The following DOCK11 variants were observed in gnomAD, a reference collection of about 807,000 sequenced individuals.
DOCK11 encodes the protein dedicator of cytokinesis 11, also known as dedicator of cytokinesis protein 11.
A neutral mutation model predicts 169.1 loss-of-function variants in DOCK11; 70 were observed. The observed-to-expected ratio is 0.41, with a 90% CI of 0.34 to 0.51. DOCK11 has a LOEUF of 0.51. Ranked by LOEUF, DOCK11 falls within the 20% of genes least tolerant of loss-of-function variation. DOCK11 has a pLI of 0.10. For missense variants in DOCK11, 1,166 were observed against 1,538.8 expected (o/e 0.76, Z 4.05); for synonymous variants, 529 against 541.3 (o/e 0.98, Z 0.32).
chrX:118,631,049 T>C (rs552630344), intron 35 of DOCK11, among the ~76,000 whole-genome samples: 1 of 111,368 alleles, frequency 9.0e-6, no homozygotes, highest in Non-Finnish European at 1.9e-5. Flanking sequence ...TTACACTATA[T>C]GATGGAATAC....
rs762580829 is a variant in DOCK11 at position 118,578,599 on chromosome X, C to T, written c.1464C>T (p.Asn488=). The change falls in exon 13 of 53, where the codon AAC becomes AAT. Residue 488 remains asparagine, a synonymous_variant. Transcript: ENST00000276202. ...VARIEKVLQG[N]ITHCAEPYIK... is the part of the protein sequence containing the mutation. Reference sequence around the variant, plus strand: ...GAATTGAAAAGGTACTACAGGGAAACATTACACACTGTGCAGAACCCTATA... The same window carrying T: ...GAATTGAAAAGGTACTACAGGGAAATATTACACACTGTGCAGAACCCTATA... 4.1e-6 allele frequency: 5 copies of T among 1,205,328 alleles called. No individual in the cohort carries two copies. The highest frequency in any genetic ancestry group is 5.6e-6 in the Non-Finnish European group (5 of 891,537).
At chrX:118,678,456 TTTTTC>T (rs1443084695) in intron 48 of DOCK11, among the ~76,000 whole-genome samples, 1 of 111,721 alleles carries the variant, frequency 9.0e-6, no homozygotes, top group Non-Finnish European at 1.9e-5. Context: ...GATGTATATT[TTTTTC>T]TTTTCTTTTT....
At chrX:118,636,825 G>A (rs897233120) in intron 36 of DOCK11, among the ~76,000 whole-genome samples, 30 of 97,841 alleles carry the variant, frequency 3.1e-4, no homozygotes, top group Non-Finnish European at 4.0e-5. Context: ...GTGTATTTGT[G>A]TGTACACACA....
chrX:118,573,679 T>A (rs2013352262), intron 11 of DOCK11, 127 bp from the exon 12 acceptor site: 1 of 526,451 alleles, frequency 1.9e-6, no homozygotes, highest in Admixed American at 3.3e-5. Flanking sequence ...TAGCTAAGTG[T>A]TGAACTCAGA....
chrX:118,677,470 T>C (rs1163073324), intron 48 of DOCK11, among the ~76,000 whole-genome samples: 1 of 112,060 alleles, frequency 8.9e-6, no homozygotes, highest in Non-Finnish European at 1.9e-5. Context: ...AGCTGATTTT[T>C]AAGGGTAGGA....
At chrX:118,638,828 C>A (rs896369191) in intron 37 of DOCK11, among the ~76,000 whole-genome samples, 7 of 111,835 alleles carry the variant, frequency 6.3e-5, no homozygotes, top group Admixed American at 5.7e-4. Flanking sequence ...CCATTGTTAC[C>A]ATGAACCTCA....
chrX:118,606,849 C>T (rs1407524671), intron 24 of DOCK11, among the ~76,000 whole-genome samples: 4 of 110,826 alleles, frequency 3.6e-5, no homozygotes, highest in Admixed American at 9.6e-5. Context: ...TCAGAAATTC[C>T]GGGAGAGGGG....
Position 118,662,705 on chromosome X carries a change from T to A in DOCK11, c.4989T>A (p.Cys1663Ter). ...ACACAGAATTATTTCCTAACGGATG[T>A]TCAGCGTTCAAGAAAATTACTCCCA... is the stretch of plus-strand genomic sequence containing the variant. The part of the protein sequence containing the change: ...LHRKKLFPNG[C>*]SAFKKITPNI... The change falls in exon 45 of 53, where the codon TGT (cysteine) becomes TGA (stop). Residue 1663 changes from cysteine (C) to a stop codon, truncating the protein, a stop_gained. Transcript: ENST00000276202. LOFTEE classifies it high-confidence loss of function. 8.5e-7 allele frequency: 1 copy of A among 1,182,226 alleles called. No individual in the cohort carries two copies. The highest frequency in any genetic ancestry group is 1.1e-6 in the Non-Finnish European group (1 of 869,921).
At chrX:118,668,075 A>T (rs766586502) in intron 45 of DOCK11, among the ~76,000 whole-genome samples, 2 of 111,839 alleles carry the variant, frequency 1.8e-5, no homozygotes, top group African/African-American at 6.5e-5. Context: ...GCACGGAACA[A>T]TTTTACTTTT....
rs769082174 is a variant in DOCK11 at position 118,533,043 on chromosome X, G to A, written c.103-9682G>A. 1.3e-4 allele frequency among the ~76,000 whole-genome samples: 14 copies of A among 111,500 alleles called. No homozygotes were observed. In the East Asian group the frequency reaches 3.4e-3, roughly 27 times the overall value. The stretch of plus-strand genomic sequence containing the variant: ...ATTCGCTCTTGTTGCCCTGGCTGGA[G>A]TGCAATGTCATGGTCTCCGCTCACT... On this transcript the variant is annotated intron_variant, in intron 1 of 52. Transcript: ENST00000276202.
At chrX:118,496,184 T>G (rs967261212) in intron 1 of DOCK11, 111 bp downstream of exon 1, 49 of 516,172 alleles carry the variant, frequency 9.5e-5, no homozygotes, top group Non-Finnish European at 1.2e-4. Flanking sequence ...CGCGCTGTCT[T>G]TCTCCGCTCC....
intron 1 of DOCK11, among the ~76,000 whole-genome samples, chrX:118,510,313 AGG>A (rs2147311226): frequency 8.9e-6 from 1 of 112,552 alleles, no homozygotes; most frequent in East Asian, 2.8e-4. Context: ...AATTCAAATG[AGG>A]AAGCACAATC....
intron 23 of DOCK11, 123 bp downstream of exon 23, chrX:118,599,351 G>T (rs917371461): frequency 4.0e-6 from 2 of 495,501 alleles, no homozygotes; most frequent in Non-Finnish European, 6.8e-6. Flanking sequence ...TTCCTCAAGA[G>T]AATACTTTCT....
chrX:118,521,826 A>G (rs923582516), intron 1 of DOCK11, among the ~76,000 whole-genome samples: 5 of 111,717 alleles, frequency 4.5e-5, no homozygotes, highest in African/African-American at 1.3e-4. Flanking sequence ...CCCTCCCTCC[A>G]TCTCAAATGT....
chrX:118,623,285 A>C (rs1235321449), intron 31 of DOCK11, among the ~76,000 whole-genome samples: 1 of 112,593 alleles, frequency 8.9e-6, no homozygotes, highest in African/African-American at 3.2e-5. Context: ...GTTGCCATGC[A>C]AAAGTAGAAA....
chrX:118,542,965 A>G lies in DOCK11; in HGVS notation c.259A>G (p.Thr87Ala), dbSNP rs775641266. ...TCGTCAACGCAGAACGGTGCAGTCT[A>G]CTGTACCAGAAGATGCTGAAAAGAG... ...IGRQRRTVQS[T>A]VPEDAEKRAQ... is the part of the protein sequence containing the mutation. Residue 87 changes from threonine (T) to alanine (A), a missense_variant, in exon 3 of 53, where the codon ACT (threonine) becomes GCT (alanine). Thr to Ala is a moderately conservative substitution (Grantham distance 58). Coordinates refer to ENST00000276202, the MANE Select transcript of DOCK11 (RefSeq NM_144658.4). 1.7e-6 allele frequency: 2 copies of G among 1,211,606 alleles called. No individual in the cohort carries two copies. The highest frequency in any genetic ancestry group is 2.2e-5 in the Admixed American group (1 of 46,048).
chrX:118,626,558 G>C (rs1259176561), intron 32 of DOCK11, among the ~76,000 whole-genome samples: 2 of 111,821 alleles, frequency 1.8e-5, no homozygotes, highest in African/African-American at 6.5e-5. Context: ...ACGTAATATT[G>C]TTGGGTAGCA....
At chrX:118,674,241 C>G (rs184688897) in intron 46 of DOCK11, among the ~76,000 whole-genome samples, 213 of 111,082 alleles carry the variant, frequency 1.9e-3, no homozygotes, top group African/African-American at 6.6e-3. Flanking sequence ...ACCTCCGCCT[C>G]CTGGGTTCAA....
intron 44 of DOCK11, among the ~76,000 whole-genome samples, chrX:118,657,583 C>T (rs1249564478): frequency 9.0e-6 from 1 of 111,718 alleles, no homozygotes; most frequent in Non-Finnish European, 1.9e-5. Context: ...TAAAAGTCCT[C>T]AGGGTTTTCC....
Sources: gnomAD v4.1 joint callset for allele counts (sites outside exome capture counted in the v4.1 genomes callset) on GRCh38, gnomAD v4.1.1 for gene constraint, MANE v1.5 for transcripts, NCBI Gene and HGNC (gene_info 2026-07-23, HGNC 2026-07-21) for gene names.